GRID1: variants seen among roughly 807,000 people sequenced by gnomAD.
GRID1 encodes glutamate ionotropic receptor delta type subunit 1, also known as glutamate receptor ionotropic, delta-1.
A neutral mutation model predicts 98.0 loss-of-function variants in GRID1; 28 were observed. That is an observed-to-expected ratio of 0.29 (90% CI 0.21 to 0.39). The LOEUF is 0.39. Ranked by LOEUF, GRID1 falls within the 10% of genes least tolerant of loss-of-function variation. The pLI, the probability that GRID1 is intolerant of heterozygous loss-of-function variation, is 1.00. For missense variants in GRID1, 1,111 were observed against 1,340.5 expected (o/e 0.83, Z 2.67); for synonymous variants, 553 against 538.5 (o/e 1.03, Z -0.37).
chr10:85,611,199 T>C (rs1842728797), intron 15 of GRID1, among the ~76,000 whole-genome samples: 1 of 152,216 alleles, frequency 6.6e-6, no homozygotes, highest in South Asian at 2.1e-4. Context: ...TCTCTCTCTC[T>C]CTTTCTCTGT....
intron 4 of GRID1, among the ~76,000 whole-genome samples, chr10:85,991,785 G>A (rs535421286): frequency 1.3e-5 from 2 of 152,248 alleles, no homozygotes; most frequent in Non-Finnish European, 2.9e-5. Flanking sequence ...AAATTGTGGC[G>A]GGTGGAAAAT....
intron 13 of GRID1, chr10:85,645,801 T>C (rs1843180014): frequency 6.6e-6 from 1 of 152,288 alleles, no homozygotes; most frequent in African/African-American, 2.4e-5. Context: ...AGTCATCCTG[T>C]GCACGACCAT....
intron 8 of GRID1, among the ~76,000 whole-genome samples, chr10:85,852,147 C>A (rs1843064495): frequency 6.6e-6 from 1 of 152,174 alleles, no homozygotes; most frequent in African/African-American, 2.4e-5. Flanking sequence ...GATAACTTCC[C>A]CTTAGCAGCG....
chr10:85,927,383 C>A (rs1357388182), intron 4 of GRID1, among the ~76,000 whole-genome samples: 2 of 152,154 alleles, frequency 1.3e-5, no homozygotes, highest in African/African-American at 4.8e-5. Context: ...TTACCTGAAA[C>A]ACTACCAGGT....
At chr10:86,312,493 C>T (rs570458420) in intron 2 of GRID1, among the ~76,000 whole-genome samples, 1 of 152,350 alleles carries the variant, frequency 6.6e-6, no homozygotes, top group African/African-American at 2.4e-5. Flanking sequence ...GCAGTGGATT[C>T]AAAAGCCTTG....
chr10:85,845,102 A>G (rs1421142703), intron 8 of GRID1, among the ~76,000 whole-genome samples: 3 of 151,866 alleles, frequency 2.0e-5, no homozygotes, highest in Non-Finnish European at 4.4e-5. Flanking sequence ...GCAACAAGAC[A>G]GGAGAAAGAA....
At chr10:86,312,721 C>G (rs773690094) in intron 2 of GRID1, among the ~76,000 whole-genome samples, 1 of 152,238 alleles carries the variant, frequency 6.6e-6, no homozygotes, top group Non-Finnish European at 1.5e-5. Flanking sequence ...CTATTAGGAG[C>G]TATCAGGGCT....
intron 4 of GRID1, among the ~76,000 whole-genome samples, chr10:86,008,177 G>A (rs1252253778): frequency 6.6e-6 from 1 of 152,136 alleles, no homozygotes; most frequent in African/African-American, 2.4e-5. Flanking sequence ...GAGGGGCTTG[G>A]CACTGTGGTG....
intron 2 of GRID1, among the ~76,000 whole-genome samples, chr10:86,247,317 G>A (rs1001613726): frequency 3.3e-5 from 5 of 151,364 alleles, no homozygotes; most frequent in Non-Finnish European, 5.9e-5. Flanking sequence ...GAGTGGATGG[G>A]TGGGTAGATG....
chr10:86,337,583 A>C (rs1848240927), intron 2 of GRID1, among the ~76,000 whole-genome samples: 1 of 152,130 alleles, frequency 6.6e-6, no homozygotes, highest in South Asian at 2.1e-4. Context: ...CAATGTCTAC[A>C]GCCACCAAGG....
intron 3 of GRID1, among the ~76,000 whole-genome samples, chr10:86,142,506 T>TTCTAA (rs914368140): frequency 3.3e-5 from 5 of 152,230 alleles, no homozygotes; most frequent in African/African-American, 1.2e-4. Context: ...AGAACACCAG[T>TTCTAA]GGTCCTCACT....
chr10:85,971,461 TTA>T (rs1842407145), intron 4 of GRID1, among the ~76,000 whole-genome samples: 1 of 151,902 alleles, frequency 6.6e-6, no homozygotes, highest in Non-Finnish European at 1.5e-5. Flanking sequence ...TTCAGCATTT[TTA>T]GTTTTAAAAA....
rs540656006 is a variant in GRID1 at position 86,206,561 on chromosome 10, G to A, written c.323C>T (p.Ala108Val). 2 of 1,614,108 alleles carry A rather than the reference G, an allele frequency of 1.2e-6. No individual in the cohort carries two copies. The highest frequency in any genetic ancestry group is 4.5e-5 in the East Asian group (2 of 44,884). ...SANALQSLTDAMHIPHLFVQR... is the reference protein window; with the variant it reads ...SANALQSLTDVMHIPHLFVQR... ...GACAAAGAGGTGTGGGATGTGCATG[G>A]CATCCGTGAGGGACTGCAGGGCATT... The change falls in exon 3 of 16, where the codon GCC becomes GTC. Residue 108 changes from alanine to valine, a missense_variant. Ala to Val is a moderately conservative substitution (Grantham distance 64, BLOSUM62 0). Coordinates refer to ENST00000327946, the MANE Select transcript of GRID1 (RefSeq NM_017551.3). The surrounding 1 kb of genome is among the most constrained non-coding windows in gnomAD (Gnocchi z 4.1).
intron 6 of GRID1, among the ~76,000 whole-genome samples, chr10:85,868,436 G>T (rs79503260): frequency 0.032 from 4,914 of 152,246 alleles, 121 homozygotes; most frequent in Non-Finnish European, 0.047. Context: ...AGGGTTGAAG[G>T]ACTGACCAGA....
At chr10:85,823,347 T>C (rs1157986659) in intron 8 of GRID1, among the ~76,000 whole-genome samples, 1 of 152,068 alleles carries the variant, frequency 6.6e-6, no homozygotes, top group East Asian at 1.9e-4. Flanking sequence ...CCATGATATG[T>C]TCAAGAAACT....
At chr10:85,889,393 A>G (rs1464841922) in intron 5 of GRID1, among the ~76,000 whole-genome samples, 2 of 152,190 alleles carry the variant, frequency 1.3e-5, no homozygotes, top group Admixed American at 6.5e-5. Context: ...CTTCTACGAG[A>G]TCAATATTTT....
At chr10:85,671,590 A>G (rs2132584088) in intron 12 of GRID1, among the ~76,000 whole-genome samples, 1 of 152,146 alleles carries the variant, frequency 6.6e-6, no homozygotes, top group African/African-American at 2.4e-5. Context: ...CCAACACACA[A>G]CAATATTGAA....
intron 12 of GRID1, among the ~76,000 whole-genome samples, chr10:85,651,237 T>C (rs1008965976): frequency 6.6e-6 from 1 of 152,232 alleles, no homozygotes; most frequent in Non-Finnish European, 1.5e-5. Flanking sequence ...TAATGTTTAA[T>C]AAATGCTAGC....
chr10:85,660,276 G>C (rs536302228), intron 12 of GRID1, among the ~76,000 whole-genome samples: 52 of 152,270 alleles, frequency 3.4e-4, no homozygotes, highest in Non-Finnish European at 6.2e-4. Flanking sequence ...TTTGTTCTTT[G>C]AGGTAATTAT....
Sources: allele counts gnomAD v4.1 joint callset (sites outside exome capture counted in the v4.1 genomes callset), GRCh38; gene constraint gnomAD v4.1.1; non-coding constraint Gnocchi (gnomAD v3.1); transcripts MANE v1.5; gene names NCBI Gene and HGNC (gene_info 2026-07-23, HGNC 2026-07-21).